The following BAZ1B variants were observed in gnomAD, a reference collection of about 807,000 sequenced individuals.
The protein encoded by BAZ1B is tyrosine-protein kinase BAZ1B.
In BAZ1B, 22 loss-of-function variants were observed where a neutral mutation model predicts 153.8. That is an observed-to-expected ratio of 0.14 (90% confidence interval 0.10 to 0.20). The LOEUF is 0.20. BAZ1B is among the 10% of genes least tolerant of loss of function. The pLI is 1.00. For missense variants in BAZ1B, 1,325 were observed against 1,799.3 expected (o/e 0.74, Z 4.77); for synonymous variants, 676 against 633.4 (o/e 1.07, Z -1.01).
chr7:73,511,486 A>G (rs1583955667), intron 1 of BAZ1B, among the ~76,000 whole-genome samples: 1 of 152,016 alleles, frequency 6.6e-6, no homozygotes, highest in East Asian at 1.9e-4. Flanking sequence ...CAACATGATG[A>G]GACCTCATCT....
At chr7:73,463,616 C>T (rs782555017) in intron 11 of BAZ1B, among the ~76,000 whole-genome samples, 1 of 152,156 alleles carries the variant, frequency 6.6e-6, no homozygotes, top group Non-Finnish European at 1.5e-5. Flanking sequence ...CAATTCAACA[C>T]ACATAGCTAT....
intron 3 of BAZ1B, among the ~76,000 whole-genome samples, chr7:73,500,907 CAG>C (rs1343351254): frequency 7.4e-6 from 1 of 135,008 alleles, no homozygotes; most frequent in East Asian, 2.3e-4. Context: ...AAAAAAAAAA[CAG>C]AGTTCAAACC....
intron 3 of BAZ1B, among the ~76,000 whole-genome samples, chr7:73,501,722 C>G (rs1207968747): frequency 1.3e-5 from 2 of 152,140 alleles, no homozygotes; most frequent in Non-Finnish European, 2.9e-5. Context: ...TCAATGCCCC[C>G]TTCTCCCATG....
Position 73,442,295 on chromosome 7 carries a change from G to A in BAZ1B, c.4353C>T (p.Arg1451=). The A allele has an allele frequency of 1.9e-6, 3 of 1,614,118 alleles. No individual in the cohort carries two copies. Among genetic ancestry groups the A allele is most frequent in the Non-Finnish European group, 2.5e-6 (3 of 1,180,040 alleles). The stretch of plus-strand genomic sequence containing the variant: ...TATCAGGAAACTTCTTGCGCTTCCT[G>A]CGGACATATGGGTGGCCAGGAAGGT... The part of the protein sequence containing the change: ...HKHLPGHPYV[R]RKRKKFPDRL... Residue 1451 remains arginine (R), a synonymous_variant, in exon 19 of 20, where the codon CGC becomes CGT. Transcript: ENST00000339594.
chr7:73,464,904 G>GAT (rs1563372685), intron 11 of BAZ1B, among the ~76,000 whole-genome samples: 1 of 144,638 alleles, frequency 6.9e-6, no homozygotes, highest in African/African-American at 2.5e-5. Context: ...TTTTTGTTTT[G>GAT]TTTTTTTTTT....
intron 17 of BAZ1B, among the ~76,000 whole-genome samples, chr7:73,443,749 C>T (rs1787718229): frequency 6.6e-6 from 1 of 152,080 alleles, no homozygotes; most frequent in Non-Finnish European, 1.5e-5. Context: ...TTGCAGGCTG[C>T]CCGCTAACTA....
chr7:73,504,706 C>T (rs1790265379), intron 3 of BAZ1B, among the ~76,000 whole-genome samples: 1 of 151,700 alleles, frequency 6.6e-6, no homozygotes, highest in African/African-American at 2.4e-5. Flanking sequence ...TGAGTGTCTA[C>T]AGTCCCAGCT....
chr7:73,510,067 C>A (rs1198234681), intron 2 of BAZ1B, among the ~76,000 whole-genome samples: 1 of 151,976 alleles, frequency 6.6e-6, no homozygotes, highest in South Asian at 2.1e-4. Flanking sequence ...ATAGAGGTTA[C>A]AGTGGGCCGA....
intron 12 of BAZ1B, among the ~76,000 whole-genome samples, chr7:73,460,149 A>G (rs991044909): frequency 6.8e-6 from 1 of 147,716 alleles, no homozygotes; most frequent in Non-Finnish European, 1.5e-5. Context: ...AGATCGTGCT[A>G]CTGTACTCCA....
At chr7:73,462,853 C>G (rs782579876) in intron 12 of BAZ1B, 69 bp downstream of exon 12, 381 of 1,543,628 alleles carry the variant, frequency 2.5e-4, no homozygotes, top group Non-Finnish European at 3.2e-4. Context: ...AAGTCAAGAA[C>G]AGCACCAGGG....
At chr7:73,496,525 G>C (rs1051138942) in intron 4 of BAZ1B, among the ~76,000 whole-genome samples, 3 of 152,164 alleles carry the variant, frequency 2.0e-5, no homozygotes, top group African/African-American at 7.2e-5. Context: ...TACTCATGCG[G>C]AGGGAGACCA....
intron 3 of BAZ1B, among the ~76,000 whole-genome samples, chr7:73,506,146 T>G (rs1356806047): frequency 6.6e-6 from 1 of 152,202 alleles, no homozygotes. Flanking sequence ...AGGGATTGCT[T>G]TAGTGTTCGG....
intron 13 of BAZ1B, among the ~76,000 whole-genome samples, chr7:73,456,662 C>T (rs918311342): frequency 6.6e-6 from 1 of 151,990 alleles, no homozygotes; most frequent in East Asian, 1.9e-4. Context: ...TTGGCAAAGG[C>T]TGGGCGTGGT....
chr7:73,473,231 A>G (rs1174606304), intron 7 of BAZ1B, among the ~76,000 whole-genome samples: 1 of 152,178 alleles, frequency 6.6e-6, no homozygotes, highest in Non-Finnish European at 1.5e-5. Context: ...TGAGCCACCG[A>G]GCCTGGCCTG....
At chr7:73,512,028 C>CAAAAAAA (rs1168749967) in intron 1 of BAZ1B, among the ~76,000 whole-genome samples, 18 of 34,748 alleles carry the variant, frequency 5.2e-4, no homozygotes, top group African/African-American at 2.1e-3. Flanking sequence ...AACTCCACCT[C>CAAAAAAA]AAAAAAAAAA....
At chr7:73,469,495 T>C in intron 9 of BAZ1B, 22 bp downstream of exon 9, 1 of 1,613,652 alleles carries the variant, frequency 6.2e-7, no homozygotes, top group East Asian at 2.2e-5. Context: ...GAAATAACTC[T>C]TAGATATACA....
intron 4 of BAZ1B, among the ~76,000 whole-genome samples, chr7:73,494,562 T>C (rs1789799112): frequency 6.6e-6 from 1 of 152,000 alleles, no homozygotes; most frequent in Non-Finnish European, 1.5e-5. Context: ...CTTAGCCACA[T>C]GGTGAGACCC....
intron 6 of BAZ1B, among the ~76,000 whole-genome samples, chr7:73,486,394 T>C (rs1789407280): frequency 6.6e-6 from 1 of 152,168 alleles, no homozygotes. Flanking sequence ...TGGCGTGATC[T>C]CGGCTCACTA....
chr7:73,491,345 T>G (rs570437906), intron 5 of BAZ1B, among the ~76,000 whole-genome samples: 2 of 152,200 alleles, frequency 1.3e-5, no homozygotes, highest in African/African-American at 4.8e-5. Flanking sequence ...ACGCTTGTAA[T>G]CCCAGCACTT....
Sources: allele counts gnomAD v4.1 joint callset (sites outside exome capture counted in the v4.1 genomes callset), GRCh38; gene constraint gnomAD v4.1.1; transcripts MANE v1.5; gene names NCBI Gene and HGNC (gene_info 2026-07-23, HGNC 2026-07-21).